Variants in OR3A2 observed in about 807,000 individuals in gnomAD.
The protein encoded by OR3A2 is olfactory receptor 3A2.
For missense variants in OR3A2, 318 were observed against 392.8 expected, an observed-to-expected ratio of 0.81 and a Z score of 1.61; for synonymous variants, 126 against 159.3, an observed-to-expected ratio of 0.79 and a Z score of 1.57.
rs547952739 is a variant in OR3A2, at chr17:3,359,414, TCTTTC to T, written c.-178-23293_-178-23289del. Among the ~76,000 whole-genome samples the T allele has an allele frequency of 4.2e-4, 64 of 151,860 alleles. 2 individuals are homozygous for T. Among genetic ancestry groups the T allele is most frequent in the African/African-American group, 1.5e-3 (62 of 41,136 alleles). ...ATGTTTTTGTATTAGCTGGCAGTAG[TCTTTC>T]CTTTCTATATTTAGTGCTCATTTCA... On this transcript the variant is annotated intron_variant, in intron 2 of 4. Coordinates refer to the OR3A2 transcript ENST00000573491.
intron 2 of OR3A2, among the ~76,000 whole-genome samples, chr17:3,371,020 C>A (rs2150664097): frequency 6.6e-6 from 1 of 152,226 alleles, no homozygotes; most frequent in East Asian, 1.9e-4. Flanking sequence ...CTACCTCTTT[C>A]TACACAGACA....
intron 3 of OR3A2, among the ~76,000 whole-genome samples, chr17:3,301,340 C>A (rs1464145472): frequency 1.3e-5 from 2 of 152,022 alleles, no homozygotes; most frequent in Non-Finnish European, 2.9e-5. Flanking sequence ...TCTTCACATC[C>A]TCTCCAGCAC....
upstream of OR3A2, among the ~76,000 whole-genome samples, chr17:3,287,422 T>A (rs538501888): frequency 5.9e-5 from 9 of 152,254 alleles, no homozygotes; most frequent in Admixed American, 2.0e-4. Flanking sequence ...TGCATCCATG[T>A]GTACGCGGTA....
At chr17:3,332,192 G>C (rs1194444936) in intron 3 of OR3A2, among the ~76,000 whole-genome samples, 1 of 152,238 alleles carries the variant, frequency 6.6e-6, no homozygotes, top group East Asian at 1.9e-4. Context: ...CCCAGAGGTG[G>C]AGCCTACAGA....
At chr17:3,290,114 G>A (rs112693889) in intron 3 of OR3A2, among the ~76,000 whole-genome samples, 342 of 152,066 alleles carry the variant, frequency 2.2e-3, no homozygotes, top group African/African-American at 7.5e-3. Context: ...TACTTTTTTT[G>A]TACACTTAGC....
chr17:3,353,939 C>A (rs1328583374), intron 2 of OR3A2, among the ~76,000 whole-genome samples: 2 of 151,070 alleles, frequency 1.3e-5, no homozygotes, highest in African/African-American at 2.4e-5. Context: ...ATTAACCATT[C>A]CCAGCTCCAT....
chr17:3,329,455 G>A (rs1284671487), intron 3 of OR3A2, among the ~76,000 whole-genome samples: 6 of 146,716 alleles, frequency 4.1e-5, no homozygotes, highest in South Asian at 4.5e-4. Flanking sequence ...TGTATGTGTC[G>A]AGGAATTTAT....
intron 3 of OR3A2, among the ~76,000 whole-genome samples, chr17:3,302,147 G>T (rs1242857553): frequency 8.5e-5 from 13 of 152,084 alleles, no homozygotes; most frequent in South Asian, 2.1e-4. Flanking sequence ...AGAATCAATA[G>T]CGTGAAAATG....
At chr17:3,380,483 CA>C (rs2150669172) in intron 2 of OR3A2, among the ~76,000 whole-genome samples, 1 of 152,282 alleles carries the variant, frequency 6.6e-6, no homozygotes, top group East Asian at 1.9e-4. Context: ...TGCCTGATAC[CA>C]GGATAGAATG....
chr17:3,301,711 A>C (rs2048967546), intron 3 of OR3A2, among the ~76,000 whole-genome samples: 2 of 152,074 alleles, frequency 1.3e-5, no homozygotes, highest in South Asian at 4.1e-4. Flanking sequence ...CCCATTTGTC[A>C]ATTTTGGCTT....
intron 3 of OR3A2, chr17:3,310,521 C>T (rs1472067109): frequency 1.9e-6 from 1 of 535,732 alleles, no homozygotes; most frequent in African/African-American, 1.9e-5. Context: ...GAACTTGTCC[C>T]TGCCAGATGT....
chr17:3,340,530 G>C (rs544477410), intron 2 of OR3A2, among the ~76,000 whole-genome samples: 2 of 152,308 alleles, frequency 1.3e-5, no homozygotes, highest in Non-Finnish European at 2.9e-5. Flanking sequence ...GATTTATCCA[G>C]TAGTCATTCA....
At chr17:3,283,923 G>A (rs2048792109) in intron 1 of OR3A2, among the ~76,000 whole-genome samples, 1 of 142,074 alleles carries the variant, frequency 7.0e-6, no homozygotes, top group Non-Finnish European at 1.5e-5. Context: ...GAGACATCCA[G>A]AGGGTCTGAC....
chr17:3,330,170 G>GA (rs980771862), intron 3 of OR3A2, among the ~76,000 whole-genome samples: 2 of 150,808 alleles, frequency 1.3e-5, no homozygotes, highest in African/African-American at 4.9e-5. Context: ...GTGTGGTGCT[G>GA]AAAAAAATGT....
chr17:3,340,923 G>A (rs1304467614), intron 2 of OR3A2, among the ~76,000 whole-genome samples: 1 of 152,012 alleles, frequency 6.6e-6, no homozygotes, highest in African/African-American at 2.4e-5. Flanking sequence ...GATCTCTCAG[G>A]ACTTGCTTTA....
At chr17:3,281,190 G>A (rs2048774544) in intron 1 of OR3A2, among the ~76,000 whole-genome samples, 1 of 151,944 alleles carries the variant, frequency 6.6e-6, no homozygotes, top group African/African-American at 2.4e-5. Flanking sequence ...TTTACCCACA[G>A]GCCGATTAAA....
Position 3,342,042 on chromosome 17 carries a change from C to T in OR3A2, c.-178-5916G>A, listed in dbSNP as rs141634141. Among the ~76,000 whole-genome samples, 235 of 152,304 alleles carry T rather than the reference C, an allele frequency of 1.5e-3. 6 individuals carry two copies. In the East Asian group the frequency reaches 0.04, roughly 26 times the overall value. On this transcript the variant is annotated intron_variant, in intron 2 of 4. Coordinates refer to the OR3A2 transcript ENST00000573491. ...TCTTCAATCACTAATACTCTTTCTTCCACTTGATCAAATCGGCTACTGAAG... is the reference window on the plus strand; with the variant it reads ...TCTTCAATCACTAATACTCTTTCTTTCACTTGATCAAATCGGCTACTGAAG...
chr17:3,287,441 A>C (rs897375753), upstream of OR3A2, among the ~76,000 whole-genome samples: 2 of 152,062 alleles, frequency 1.3e-5, no homozygotes, highest in Non-Finnish European at 2.9e-5. Flanking sequence ...TATTGTGTCT[A>C]TATCTCTGCT....
chr17:3,307,335 A>G (rs1213174193), intron 3 of OR3A2, among the ~76,000 whole-genome samples: 1 of 152,214 alleles, frequency 6.6e-6, no homozygotes, highest in Non-Finnish European at 1.5e-5. Context: ...TCTGCAACTT[A>G]GCCTCTTACA....
Sources: allele counts gnomAD v4.1 joint callset (sites outside exome capture counted in the v4.1 genomes callset), GRCh38; gene constraint gnomAD v4.1.1; transcripts MANE v1.5; gene names NCBI Gene and HGNC (gene_info 2026-07-23, HGNC 2026-07-21).